SRCAP: variants seen among roughly 807,000 people sequenced by gnomAD.
SRCAP encodes the protein Snf2 related CREBBP activator protein, also known as chromatin remodeling protein SRCAP.
A neutral mutation model predicts 263.1 loss-of-function variants in SRCAP; 46 were observed. That is an observed-to-expected ratio of 0.17 (90% confidence interval 0.14 to 0.22). The LOEUF is 0.22. Among genes scored for constraint, SRCAP ranks in the 10% least tolerant of loss-of-function variants. SRCAP has a pLI of 1.00. For synonymous variants in SRCAP, 1,813 were observed against 1,662.1 expected, an observed-to-expected ratio of 1.09 and a Z score of -2.21; for missense variants, 3,695 against 4,181.9, an observed-to-expected ratio of 0.88 and a Z score of 3.21.
At chr16:30,721,696 A>G (rs1407725990) in intron 21 of SRCAP, among the ~76,000 whole-genome samples, 1 of 152,240 alleles carries the variant, frequency 6.6e-6, no homozygotes, top group Non-Finnish European at 1.5e-5. Flanking sequence ...CCTGTGTCAA[A>G]AAAAATTGAG....
Position 30,707,773 on chromosome 16 carries a change from A to G in SRCAP, c.633+61A>G, listed in dbSNP as rs189183429. 3,293 of 1,587,310 alleles carry G rather than the reference A, an allele frequency of 2.1e-3. 12 individuals carry two copies. Among genetic ancestry groups the G allele is most frequent in the Non-Finnish European group, 2.6e-3 (3,000 of 1,161,566 alleles). On this transcript the variant is annotated intron_variant, in intron 6 of 33. Transcript: ENST00000262518. The stretch of plus-strand genomic sequence containing the variant: ...GGATTAGATTGGTAGATGGCGTGGT[A>G]GTAGGAATGATCAAAACTTCTTGAG...
At chr16:30,717,645 G>A (rs1011753278) in intron 18 of SRCAP, among the ~76,000 whole-genome samples, 3 of 115,404 alleles carry the variant, frequency 2.6e-5, no homozygotes, top group East Asian at 5.4e-4. Flanking sequence ...GCGGAGTCTC[G>A]CTCTGTCCTC....
chr16:30,716,537 T>C, intron 18 of SRCAP, 58 bp downstream of exon 18: 1 of 1,500,374 alleles, frequency 6.7e-7, no homozygotes. Flanking sequence ...TCCAACCATG[T>C]ACCTCTTTTC....
rs2053184553 is a variant in SRCAP at position 30,738,536 on chromosome 16, G to A, written c.8496G>A (p.Glu2832=). 2 of 1,612,264 alleles carry A rather than the reference G, an allele frequency of 1.2e-6. No individual in the cohort carries two copies. The highest frequency in any genetic ancestry group is 1.7e-6 in the Non-Finnish European group (2 of 1,179,060). ...CCTTCATTGCTCGCCGTCACATTGA[G>A]CTGGGGGTGACTGGTGGTGGCAGCC... ...QQPFIARRHI[E]LGVTGGGSPE... The change falls in exon 34 of 34, where the codon GAG becomes GAA. Residue 2832 remains glutamate (E), a synonymous_variant. Coordinates refer to ENST00000262518, the MANE Select transcript of SRCAP (RefSeq NM_006662.3).
chr16:30,734,444 C>T, intron 30 of SRCAP, 52 bp from the exon 31 acceptor site: 1 of 1,610,472 alleles, frequency 6.2e-7, no homozygotes, highest in Non-Finnish European at 8.5e-7. Context: ...CAGCTTAGAC[C>T]TAAGACTAGC....
intron 33 of SRCAP, 141 bp downstream of exon 33, chr16:30,736,765 C>T (rs1377820573): frequency 3.9e-5 from 36 of 918,554 alleles, no homozygotes; most frequent in South Asian, 6.6e-5. Flanking sequence ...CTCCGCCTCC[C>T]GGGTTCAAGC....
rs1485524210 is a variant in SRCAP at position 30,737,580 on chromosome 16, C to G, written c.7540C>G (p.Pro2514Ala). 1 of 1,614,162 alleles carries G rather than the reference C, an allele frequency of 6.2e-7. No individual in the cohort carries two copies. The highest frequency in any genetic ancestry group is 8.5e-7 in the Non-Finnish European group (1 of 1,180,040). Residue 2514 changes from proline to alanine, a missense_variant, in exon 34 of 34, where the codon CCT becomes GCT. Pro to Ala is a conservative substitution (Grantham distance 27). Coordinates refer to ENST00000262518, the MANE Select transcript of SRCAP (RefSeq NM_006662.3). ...ACTPPPAHTP[P>A]PAQTCLVTPS... ...TACCCCTCCACCAGCTCATACACCGCCTCCAGCCCAAACCTGTCTTGTAAC... is the reference window on the plus strand; with the variant it reads ...TACCCCTCCACCAGCTCATACACCGGCTCCAGCCCAAACCTGTCTTGTAAC...
At chr16:30,720,410 A>T in intron 19 of SRCAP, 79 bp downstream of exon 19, 1 of 1,496,546 alleles carries the variant, frequency 6.7e-7, no homozygotes, top group African/African-American at 1.4e-5. Flanking sequence ...GGGTGGGAAG[A>T]AAAGAGTTGG....
chr16:30,702,604 C>T (rs1483859094), intron 3 of SRCAP, among the ~76,000 whole-genome samples: 2 of 116,992 alleles, frequency 1.7e-5, no homozygotes, highest in East Asian at 6.5e-4. Flanking sequence ...GCCTTCCCTC[C>T]CTCCCTCCCT....
At chr16:30,710,878 C>A in intron 9 of SRCAP, 31 bp downstream of exon 9, 2 of 1,610,698 alleles carry the variant, frequency 1.2e-6, no homozygotes, top group Non-Finnish European at 1.7e-6. Context: ...CCTATTGCCC[C>A]TTACCCCTTG....
intron 33 of SRCAP, 92 bp downstream of exon 33, chr16:30,736,716 A>G: frequency 1.4e-6 from 2 of 1,381,184 alleles, no homozygotes; most frequent in Non-Finnish European, 2.0e-6. Flanking sequence ...TCTGTCGCCC[A>G]GGCTGGAGTG....
At chr16:30,712,884 T>A in intron 14 of SRCAP, 69 bp downstream of exon 14, 1 of 1,544,788 alleles carries the variant, frequency 6.5e-7, no homozygotes, top group Non-Finnish European at 8.7e-7. Flanking sequence ...TTTCCTCAGG[T>A]GAATTCCTTT....
chr16:30,739,427 C>A lies in SRCAP; in HGVS notation c.9387C>A (p.Pro3129=), dbSNP rs2053200279. 1.9e-6 allele frequency: 3 copies of A among 1,614,230 alleles called. No individual in the cohort carries two copies. The highest frequency in any genetic ancestry group is 1.1e-5 in the South Asian group (1 of 91,092). ...GGCTGCGTCCAGGGTCTCTAGTCCC[C>A]CCACTAGAGACTGAGAAGTTGCCTC... The part of the protein sequence containing the change: ...STRLRPGSLV[P]PLETEKLPRK... Residue 3129 remains proline (P), a synonymous_variant, in exon 34 of 34, where the codon CCC becomes CCA. Transcript: ENST00000262518.
rs755724410 is a variant in SRCAP at position 30,723,781 on chromosome 16, G to A, written c.4357G>A (p.Ala1453Thr). 1.9e-6 allele frequency: 3 copies of A among 1,613,650 alleles called. No homozygotes were observed. The African/African-American group carries it at 4.0e-5, about 22-fold the overall frequency. The change falls in exon 25 of 34, where the codon GCT (alanine) becomes ACT (threonine). Residue 1453 changes from alanine (A) to threonine (T), a missense_variant. Physicochemically the swap from Ala to Thr is moderately conservative, Grantham distance 58. This residue lies in a region of SRCAP where 1,347 missense variants were observed against 1,304.4 expected (regional missense o/e 1.03). Coordinates refer to ENST00000262518, the MANE Select transcript of SRCAP (RefSeq NM_006662.3). ...CACCACACTTCCTGCCCCAGCCTCG[G>A]CTCCACTCACCATCCCCATCTCAGC... ...VPTTLPAPAS[A>T]PLTIPISAPL...
In SRCAP at chr16:30,733,146, A is replaced by G. The variant is rs938408530; in HGVS notation, c.6128-134A>G. ...CCACCATGCCCTGCCGTAGTTAAACATTTTTGATCTGCTAGGCTAATTGAA... is the reference window on the plus strand; with the variant it reads ...CCACCATGCCCTGCCGTAGTTAAACGTTTTTGATCTGCTAGGCTAATTGAA... On this transcript the variant is annotated intron_variant, in intron 27 of 33. Transcript: ENST00000262518. The surrounding 1 kb of genome is among the most constrained non-coding windows in gnomAD (Gnocchi z 5.3). 52 of 1,043,620 alleles carry G rather than the reference A, an allele frequency of 5.0e-5. No individual in the cohort carries two copies. The highest frequency in any genetic ancestry group is 7.1e-5 in the Non-Finnish European group (51 of 719,436). The allele number at this position is 1,043,620 out of a possible 1,614,324, so 64.6% of individuals were successfully genotyped here.
rs1024051979 is a variant in SRCAP, at chr16:30,739,803, C to T, written c.*70C>T. The T allele has an allele frequency of 2.1e-6, 3 of 1,434,174 alleles. No homozygotes were observed. The highest frequency in any genetic ancestry group is 2.8e-6 in the Non-Finnish European group (3 of 1,090,842). 88.8% of individuals were successfully genotyped at this position (1,434,174 alleles called of 1,614,324 possible). On this transcript the variant is annotated 3_prime_UTR_variant, in exon 34 of 34. Coordinates refer to ENST00000262518, the MANE Select transcript of SRCAP (RefSeq NM_006662.3). ...CCATGACCAGGCCTGACTCTGTTAA[C>T]CACTACTTGAAGTCTTGAGGGGGAA...
chr16:30,709,217 C>G (rs551860611), intron 6 of SRCAP, among the ~76,000 whole-genome samples: 1 of 151,882 alleles, frequency 6.6e-6, no homozygotes, highest in South Asian at 2.1e-4. Flanking sequence ...ATCATTTGAG[C>G]CCAGGAGTTT....
intron 25 of SRCAP, chr16:30,726,051 C>A (rs891314303): frequency 6.6e-6 from 1 of 152,216 alleles, no homozygotes; most frequent in Non-Finnish European, 1.5e-5. Flanking sequence ...CCCAATCCCT[C>A]CGTCCCTCCT....
At chr16:30,708,454 C>T (rs2052851421) in intron 6 of SRCAP, among the ~76,000 whole-genome samples, 1 of 152,034 alleles carries the variant, frequency 6.6e-6, no homozygotes, top group African/African-American at 2.4e-5. Context: ...AGGGCAGTGG[C>T]GCAATCTTGG....
Sources: allele counts gnomAD v4.1 joint callset (sites outside exome capture counted in the v4.1 genomes callset), GRCh38; gene constraint gnomAD v4.1.1; regional missense constraint gnomAD v4.1.1; non-coding constraint Gnocchi (gnomAD v3.1); transcripts MANE v1.5; gene names NCBI Gene and HGNC (gene_info 2026-07-23, HGNC 2026-07-21).